The following CMSS1 variants were observed in gnomAD, a reference collection of about 807,000 sequenced individuals.
The protein encoded by CMSS1 is cms1 ribosomal small subunit homolog.
A neutral mutation model predicts 43.5 loss-of-function variants in CMSS1; 33 were observed. The observed-to-expected ratio is 0.76, with a 90% CI of 0.57 to 1.01. The LOEUF (loss-of-function observed/expected upper bound fraction) is 1.01. CMSS1 is among the 50% of genes least tolerant of loss of function. CMSS1 has a pLI of 0.00. For missense variants in CMSS1, 313 were observed against 326.4 expected (o/e 0.96, Z 0.32); for synonymous variants, 115 against 117.2 (o/e 0.98, Z 0.12).
intron 1 of CMSS1, among the ~76,000 whole-genome samples, chr3:100,054,175 T>C (rs1171206331): frequency 6.6e-6 from 1 of 152,228 alleles, no homozygotes; most frequent in African/African-American, 2.4e-5. Context: ...AAGTTGCCAT[T>C]GTACTGTGAA....
At chr3:100,093,005 GAATTTGTGGGGTTTCATA>G (rs1266985226) in intron 1 of CMSS1, among the ~76,000 whole-genome samples, 1 of 151,854 alleles carries the variant, frequency 6.6e-6, no homozygotes, top group East Asian at 1.9e-4. Context: ...CATAAATTGA[GAATTTGTGGGGTTTCATA>G]AATACGTTGA....
chr3:99,838,221 C>G (rs1237842904), intron 1 of CMSS1, among the ~76,000 whole-genome samples: 1 of 152,230 alleles, frequency 6.6e-6, no homozygotes, highest in African/African-American at 2.4e-5. Flanking sequence ...GACTTGCTTT[C>G]TCACATCTCC....
intron 1 of CMSS1, among the ~76,000 whole-genome samples, chr3:99,985,435 G>A (rs1248822957): frequency 1.3e-5 from 2 of 152,052 alleles, no homozygotes; most frequent in African/African-American, 4.8e-5. Context: ...TGAGGTGGGA[G>A]GATAGCTTGA....
At chr3:100,175,643 G>C (rs1366148759) in intron 8 of CMSS1, among the ~76,000 whole-genome samples, 4 of 152,142 alleles carry the variant, frequency 2.6e-5, no homozygotes, top group African/African-American at 9.7e-5. Context: ...GGAGAGGAAG[G>C]CTGCAGGTAC....
At chr3:99,874,352 C>G (rs1576538374) in intron 1 of CMSS1, 1 of 152,116 alleles carries the variant, frequency 6.6e-6, no homozygotes, top group East Asian at 1.9e-4. Context: ...AGCAGAATAT[C>G]TTTTTTCCAG....
chr3:100,135,941 A>G (rs1475357220), intron 1 of CMSS1, among the ~76,000 whole-genome samples: 6 of 152,144 alleles, frequency 3.9e-5, no homozygotes, highest in African/African-American at 7.2e-5. Context: ...TGGGAACAGA[A>G]AACTTTAAAA....
At chr3:100,006,241 C>A (rs1709982061) in intron 1 of CMSS1, among the ~76,000 whole-genome samples, 2 of 152,112 alleles carry the variant, frequency 1.3e-5, no homozygotes. Context: ...TTTTCCCCAG[C>A]CCTCAACTGA....
intron 1 of CMSS1, among the ~76,000 whole-genome samples, chr3:100,036,747 A>T (rs1434124048): frequency 6.6e-6 from 1 of 152,184 alleles, no homozygotes; most frequent in Non-Finnish European, 1.5e-5. Context: ...ATTAATAATC[A>T]TGGGAAATAG....
intron 1 of CMSS1, among the ~76,000 whole-genome samples, chr3:100,045,218 G>T (rs2065260343): frequency 6.6e-6 from 1 of 152,212 alleles, no homozygotes; most frequent in Non-Finnish European, 1.5e-5. Context: ...TAACTTGGAA[G>T]TAATGATCTA....
chr3:100,098,579 CT>C (rs1290982167), intron 1 of CMSS1, among the ~76,000 whole-genome samples: 3 of 152,188 alleles, frequency 2.0e-5, no homozygotes, highest in Admixed American at 2.0e-4. Context: ...TCGGCTCTTG[CT>C]GCTAATCAAT....
intron 1 of CMSS1, among the ~76,000 whole-genome samples, chr3:99,821,783 G>A (rs1409317857): frequency 6.6e-6 from 1 of 151,548 alleles, no homozygotes; most frequent in African/African-American, 2.4e-5. Context: ...GTCACTTGAG[G>A]GCCTGTAATC....
intron 1 of CMSS1, among the ~76,000 whole-genome samples, chr3:99,970,091 T>G (rs1225753268): frequency 6.6e-6 from 1 of 152,226 alleles, no homozygotes; most frequent in Non-Finnish European, 1.5e-5. Context: ...TATTTTGACA[T>G]ATAAAAATAG....
chr3:99,893,386 C>G (rs1370624468), intron 1 of CMSS1, among the ~76,000 whole-genome samples: 1 of 152,010 alleles, frequency 6.6e-6, no homozygotes, highest in Non-Finnish European at 1.5e-5. Flanking sequence ...AGAATGGTCT[C>G]GATCTCCTGA....
intron 1 of CMSS1, among the ~76,000 whole-genome samples, chr3:99,827,150 C>G (rs1942550556): frequency 6.6e-6 from 1 of 152,118 alleles, no homozygotes; most frequent in Non-Finnish European, 1.5e-5. Flanking sequence ...TTGAAACAAG[C>G]ATGGTTTTTG....
chr3:99,821,623 T>C (rs1182115439), intron 1 of CMSS1, among the ~76,000 whole-genome samples: 2 of 152,230 alleles, frequency 1.3e-5, no homozygotes, highest in Admixed American at 1.3e-4. Context: ...ATATTAATGC[T>C]GAAATGAGCA....
intron 1 of CMSS1, among the ~76,000 whole-genome samples, chr3:100,029,938 C>A (rs2064995575): frequency 6.6e-6 from 1 of 152,038 alleles, no homozygotes; most frequent in South Asian, 2.1e-4. Context: ...TAGAAGCAGC[C>A]CAGGTGTGAC....
At chr3:99,911,277 G>A (rs1559685114) in intron 1 of CMSS1, among the ~76,000 whole-genome samples, 2 of 150,372 alleles carry the variant, frequency 1.3e-5, no homozygotes, top group East Asian at 3.9e-4. Flanking sequence ...TGGGTGTTTT[G>A]CTCGTAATAG....
chr3:100,154,236 TA>T (rs1421181471), intron 2 of CMSS1, among the ~76,000 whole-genome samples: 1 of 152,240 alleles, frequency 6.6e-6, no homozygotes, highest in Non-Finnish European at 1.5e-5. Context: ...TAAGCTTTTT[TA>T]TTTTTTTTAC....
chr3:100,008,865 T>G (rs1710064367), intron 1 of CMSS1, among the ~76,000 whole-genome samples: 1 of 152,222 alleles, frequency 6.6e-6, no homozygotes, highest in Non-Finnish European at 1.5e-5. Flanking sequence ...GTGATTTTAT[T>G]CCTGGGCATG....
Sources: gnomAD v4.1 joint callset for allele counts (sites outside exome capture counted in the v4.1 genomes callset) on GRCh38, gnomAD v4.1.1 for gene constraint, MANE v1.5 for transcripts, NCBI Gene and HGNC (gene_info 2026-07-23, HGNC 2026-07-21) for gene names.